Variants in PEPD observed in about 807,000 individuals in gnomAD.
The protein encoded by PEPD is peptidase D, also known as xaa-Pro dipeptidase.
Under a neutral mutation model 60.7 loss-of-function variants are expected in PEPD, and 53 were observed. That is an observed-to-expected ratio of 0.87 (90% confidence interval 0.70 to 1.10). PEPD has a LOEUF of 1.10. PEPD is among the 50% of genes least tolerant of loss of function. The pLI, the probability that PEPD is intolerant of heterozygous loss-of-function variation, is 0.00. For synonymous variants in PEPD, 267 were observed against 284.1 expected (o/e 0.94, Z 0.60); for missense variants, 711 against 711.9 (o/e 1.00, Z 0.01).
chr19:33,456,585 C>G lies in PEPD; in HGVS notation c.671+6410G>C, dbSNP rs925432103. Among the ~76,000 whole-genome samples, 3 of 152,184 alleles carry G rather than the reference C, an allele frequency of 2.0e-5. No individual in the cohort carries two copies. The South Asian group carries it at 6.2e-4, about 32-fold the overall frequency. ...CCTGTGTCTGAAGGGGCCCTCTTCT[C>G]TGAATGGGCTGTGCCAGTGCCCTCA... is the stretch of plus-strand genomic sequence containing the variant. On this transcript the variant is annotated intron_variant, in intron 9 of 14. Transcript: ENST00000244137.
At chr19:33,389,702 C>T (rs1600072567) in intron 13 of PEPD, among the ~76,000 whole-genome samples, 1 of 152,226 alleles carries the variant, frequency 6.6e-6, no homozygotes, top group Non-Finnish European at 1.5e-5. Context: ...AGGTTTGTTT[C>T]CCCAGAGAAA....
chr19:33,509,841 G>A (rs1373903885), intron 3 of PEPD, among the ~76,000 whole-genome samples: 2 of 152,238 alleles, frequency 1.3e-5, no homozygotes, highest in African/African-American at 2.4e-5. Flanking sequence ...ACAGCTCCTC[G>A]GCGGTGGGGA....
At chr19:33,400,477 C>T (rs1265411133) in intron 12 of PEPD, among the ~76,000 whole-genome samples, 1 of 152,214 alleles carries the variant, frequency 6.6e-6, no homozygotes, top group African/African-American at 2.4e-5. Context: ...GCAGAACCTG[C>T]GTGCCTTGGG....
At chr19:33,467,121 C>T (rs187885415) in intron 7 of PEPD, among the ~76,000 whole-genome samples, 280 of 149,384 alleles carry the variant, frequency 1.9e-3, no homozygotes, top group African/African-American at 6.6e-3. Context: ...CACGCCACTG[C>T]ACTCCAGCCT....
At chr19:33,445,244 C>G (rs143932409) in intron 9 of PEPD, among the ~76,000 whole-genome samples, 2 of 152,296 alleles carry the variant, frequency 1.3e-5, no homozygotes, top group East Asian at 3.9e-4. Flanking sequence ...CCTGCTGCCT[C>G]GCTGCTGAAT....
intron 11 of PEPD, among the ~76,000 whole-genome samples, chr19:33,408,192 G>A (rs74444924): frequency 0.04 from 6,162 of 152,324 alleles, 145 homozygotes; most frequent in African/African-American, 0.066. Context: ...TCGAAGACAC[G>A]GAACAGGACA....
intron 3 of PEPD, among the ~76,000 whole-genome samples, chr19:33,510,228 T>A (rs560911703): frequency 2.2e-4 from 34 of 152,308 alleles, no homozygotes; most frequent in Non-Finnish European, 4.4e-4. Context: ...ACACCAGGGT[T>A]CTTGGTCTCG....
chr19:33,517,341 C>T (rs373581929), intron 1 of PEPD, among the ~76,000 whole-genome samples: 1 of 152,122 alleles, frequency 6.6e-6, no homozygotes, highest in East Asian at 1.9e-4. Flanking sequence ...GGGCAGATCA[C>T]CTGAGGTCAG....
At chr19:33,394,633 G>A (rs1968321942) in intron 12 of PEPD, among the ~76,000 whole-genome samples, 1 of 152,210 alleles carries the variant, frequency 6.6e-6, no homozygotes, top group South Asian at 2.1e-4. Flanking sequence ...CTTGCACTAG[G>A]CTGGCAGGGT....
In PEPD at chr19:33,411,735, G is replaced by T; in HGVS notation, c.755C>A (p.Ala252Asp). The change falls in exon 11 of 15, where the codon GCC becomes GAC. Residue 252 changes from alanine (A) to aspartate (D), a missense_variant. Ala to Asp is a moderately radical substitution (Grantham distance 126, BLOSUM62 -2). Transcript: ENST00000244137. Reference protein sequence around the residue: ...TCICGSGENSAVLHYGHAGAP... With the variant: ...TCICGSGENSDVLHYGHAGAP... Reference sequence around the variant, plus strand: ...TCCGGCGTGTCCGTAGTGTAGCACGGCTGAGTTCTCACCACTGCAAAGAGC... The same window carrying T: ...TCCGGCGTGTCCGTAGTGTAGCACGTCTGAGTTCTCACCACTGCAAAGAGC... The T allele has an allele frequency of 6.2e-7, 1 of 1,607,252 alleles. No homozygotes were observed. Among genetic ancestry groups the T allele is most frequent in the Non-Finnish European group, 8.5e-7 (1 of 1,174,258 alleles).
chr19:33,420,194 CCTT>C (rs1555755876), intron 9 of PEPD, among the ~76,000 whole-genome samples: 1 of 21,222 alleles, frequency 4.7e-5, no homozygotes, highest in Non-Finnish European at 8.3e-5. Context: ...CATTCTATCT[CCTT>C]CTCCGTCCCC....
At chr19:33,520,183 A>T (rs1253274752) in intron 1 of PEPD, among the ~76,000 whole-genome samples, 1 of 152,138 alleles carries the variant, frequency 6.6e-6, no homozygotes, top group Non-Finnish European at 1.5e-5. Context: ...GTCTCAGGCC[A>T]GCTTGGAATC....
In PEPD at chr19:33,490,034, G is replaced by A. The variant is rs1970468660; in HGVS notation, c.465C>T (p.Gly155=). 1 of 1,612,466 alleles carries A rather than the reference G, an allele frequency of 6.2e-7. No homozygotes were observed. The highest frequency in any genetic ancestry group is 1.7e-5 in the Admixed American group (1 of 59,890). Residue 155 remains glycine (G), a synonymous_variant, in exon 6 of 15, where the codon GGC becomes GGT. Coordinates refer to ENST00000244137, the MANE Select transcript of PEPD (RefSeq NM_000285.4). ...CAAAGGAGGCCTCCCTGCAGACACT[G>A]CCGCTGTCCGTGTTGACGCCACGCT... The part of the protein sequence containing the change: ...LTLRGVNTDS[G]SVCREASFDG...
At chr19:33,410,288 T>TGGCC (rs1968734505) in intron 11 of PEPD, among the ~76,000 whole-genome samples, 1 of 152,218 alleles carries the variant, frequency 6.6e-6, no homozygotes, top group African/African-American at 2.4e-5. Context: ...CTGGAACAGC[T>TGGCC]CATCAGCTAT....
intron 6 of PEPD, among the ~76,000 whole-genome samples, chr19:33,483,033 G>A (rs546131991): frequency 6.6e-6 from 1 of 152,170 alleles, no homozygotes; most frequent in East Asian, 1.9e-4. Flanking sequence ...TATTTTAAAG[G>A]GCTGAGATGC....
chr19:33,388,206 A>G, intron 13 of PEPD, 125 bp from the exon 14 acceptor site: 1 of 818,306 alleles, frequency 1.2e-6, no homozygotes, highest in Non-Finnish European at 2.0e-6. Context: ...TGGGGTCCTC[A>G]GCCTAGACTC....
chr19:33,518,521 G>C (rs1352708049), intron 1 of PEPD, among the ~76,000 whole-genome samples: 1 of 152,126 alleles, frequency 6.6e-6, no homozygotes, highest in Non-Finnish European at 1.5e-5. Context: ...TTTTGGCTCT[G>C]CAACAGCTCC....
intron 1 of PEPD, among the ~76,000 whole-genome samples, chr19:33,518,068 G>A (rs1010620824): frequency 1.3e-5 from 2 of 152,162 alleles, no homozygotes; most frequent in Non-Finnish European, 2.9e-5. Flanking sequence ...AGCCTCCAGC[G>A]TGGGGCCAGG....
At chr19:33,461,640 G>A (rs1171179489) in intron 9 of PEPD, among the ~76,000 whole-genome samples, 1 of 152,234 alleles carries the variant, frequency 6.6e-6, no homozygotes, top group Non-Finnish European at 1.5e-5. Context: ...GCTGGGACAG[G>A]TTTCCGGGGC....
Sources: gnomAD v4.1 joint callset for allele counts (sites outside exome capture counted in the v4.1 genomes callset) on GRCh38, gnomAD v4.1.1 for gene constraint, MANE v1.5 for transcripts, NCBI Gene and HGNC (gene_info 2026-07-23, HGNC 2026-07-21) for gene names.